Variants in CDK13 observed in about 807,000 individuals in gnomAD.
The protein encoded by CDK13 is cyclin-dependent kinase 13.
CDK13 carries 40 observed loss-of-function variants against 137.6 expected under a neutral mutation model. The ratio of observed to expected loss-of-function variants is 0.29; its 90% CI spans 0.23 to 0.38. The LOEUF is 0.38. Ranked by LOEUF, CDK13 falls within the 10% of genes least tolerant of loss-of-function variation. CDK13 has a pLI of 1.00. For missense variants in CDK13, 1,704 were observed against 1,951.8 expected (o/e 0.87, Z 2.39); for synonymous variants, 869 against 760.1 (o/e 1.14, Z -2.36).
chr7:40,047,012 C>CAAAAAA (rs398040131), intron 6 of CDK13, among the ~76,000 whole-genome samples: 857 of 65,522 alleles, frequency 0.013, 25 homozygotes, highest in Non-Finnish European at 0.02. Context: ...GACTCGGTCT[C>CAAAAAA]AAAAAAAAAA....
At chr7:40,008,798 T>C (rs1351719877) in intron 5 of CDK13, among the ~76,000 whole-genome samples, 1 of 152,240 alleles carries the variant, frequency 6.6e-6, no homozygotes, top group African/African-American at 2.4e-5. Flanking sequence ...AAGTCACTCA[T>C]AAGTTACTTT....
chr7:39,971,035 T>G (rs1353032948), intron 1 of CDK13, among the ~76,000 whole-genome samples: 1 of 152,152 alleles, frequency 6.6e-6, no homozygotes, highest in Non-Finnish European at 1.5e-5. Context: ...TAAACTGAAA[T>G]TTTTTCCTTA....
chr7:39,988,313 A>C (rs566165913), intron 2 of CDK13, 55 bp downstream of exon 2: 1 of 1,409,808 alleles, frequency 7.1e-7, no homozygotes, highest in Non-Finnish European at 9.7e-7. Context: ...GTAAGTCTGA[A>C]GTGAGAAATG....
intron 12 of CDK13, among the ~76,000 whole-genome samples, chr7:40,088,830 A>G (rs777601821): frequency 6.6e-6 from 1 of 152,168 alleles, no homozygotes. Context: ...CTGTAATCCT[A>G]GCACTTTGGG....
At chr7:40,023,459 C>CTTCTGG (rs2150498602) in intron 5 of CDK13, among the ~76,000 whole-genome samples, 1 of 150,904 alleles carries the variant, frequency 6.6e-6, no homozygotes, top group East Asian at 1.9e-4. Context: ...GATATTTTGT[C>CTTCTGG]TTCTGGTGTC....
At chr7:40,052,698 T>G (rs966496239) in intron 7 of CDK13, among the ~76,000 whole-genome samples, 17 of 152,172 alleles carry the variant, frequency 1.1e-4, no homozygotes, top group Admixed American at 3.3e-4. Flanking sequence ...AACATTGTTA[T>G]TGAAAGCAAA....
intron 5 of CDK13, among the ~76,000 whole-genome samples, chr7:40,014,243 A>T (rs753510699): frequency 6.6e-6 from 1 of 151,066 alleles, no homozygotes; most frequent in African/African-American, 2.4e-5. Context: ...TAATTTTTGT[A>T]TTTTTAATGG....
intron 1 of CDK13, among the ~76,000 whole-genome samples, chr7:39,975,883 A>G (rs1168474717): frequency 6.6e-6 from 1 of 152,236 alleles, no homozygotes; most frequent in African/African-American, 2.4e-5. Context: ...TTAAGCAAGG[A>G]CATGGCATAA....
chr7:40,078,820 G>A lies in CDK13; in HGVS notation c.2998G>A (p.Asp1000Asn). 1 of 1,488,430 alleles carries A rather than the reference G, an allele frequency of 6.7e-7. No individual in the cohort carries two copies. The highest frequency in any genetic ancestry group is 9.0e-7 in the Non-Finnish European group (1 of 1,111,262). 92.2% of individuals were successfully genotyped at this position (1,488,430 alleles called of 1,614,324 possible). Residue 1000 changes from aspartate to asparagine, a missense_variant, in exon 11 of 14, where the codon GAT (aspartate) becomes AAT (asparagine). By Grantham distance (23) the Asp-to-Asn change is conservative. Transcript: ENST00000181839. ...EQALQCEFLR[D>N]VEPSKMPPPD... ...GGCTCTTCAGTGCGAGTTCCTCCGAGATGTGGAACCCTCAAAAATGCCTCC... is the reference window on the plus strand; with the variant it reads ...GGCTCTTCAGTGCGAGTTCCTCCGAAATGTGGAACCCTCAAAAATGCCTCC...
rs751019219 is a variant in CDK13 at position 40,094,171 on chromosome 7, G to C, written c.3730G>C (p.Glu1244Gln). ...LIQHQDMRIL[E>Q]LTPEPDRPRI... ...CCAGCATCAAGATATGAGGATCTTG[G>C]AGCTAACGCCAGAACCAGACCGGCC... The change falls in exon 14 of 14, where the codon GAG becomes CAG. Residue 1244 changes from glutamate to glutamine, a missense_variant. This residue lies in a region of CDK13 where 475 missense variants were observed against 579.3 expected (regional missense o/e 0.82). Transcript: ENST00000181839. 1 of 1,613,820 alleles carries C rather than the reference G, an allele frequency of 6.2e-7. No homozygotes were observed. Among genetic ancestry groups the C allele is most frequent in the South Asian group, 1.1e-5 (1 of 91,058 alleles).
In CDK13 at chr7:40,094,978, T is replaced by C; in HGVS notation, c.4537T>C (p.Ter1513ArgextTer17). 7.3e-7 allele frequency: 1 copy of C among 1,376,476 alleles called. No homozygotes were observed. Among genetic ancestry groups the C allele is most frequent in the Non-Finnish European group, 9.4e-7 (1 of 1,060,466 alleles). The allele number at this position is 1,376,476 out of a possible 1,614,324, so 85.3% of individuals were successfully genotyped here. A position where few individuals can be genotyped will look rare whatever the true frequency, so the allele number is the denominator to read the frequency against. Residue 1513 changes from the stop codon to arginine, a stop_lost, in exon 14 of 14, where the codon TGA becomes CGA. Coordinates refer to ENST00000181839, the MANE Select transcript of CDK13 (RefSeq NM_003718.5). ...GRGRGRGLPY* is the reference protein window; with the variant it reads ...GRGRGRGLPYR Reference sequence around the variant, plus strand: ...AGGCAGAGGCAGAGGGTTACCATACTGAGTATCTGTTTTTCCTCAGGCACA... The same window carrying C: ...AGGCAGAGGCAGAGGGTTACCATACCGAGTATCTGTTTTTCCTCAGGCACA...
chr7:39,966,781 TG>T (rs1438855849), intron 1 of CDK13, among the ~76,000 whole-genome samples: 1 of 152,202 alleles, frequency 6.6e-6, no homozygotes, highest in South Asian at 2.1e-4. Flanking sequence ...GATGTACAGA[TG>T]GGGTTTTGGT....
At chr7:40,060,755 G>A (rs1786123874) in intron 7 of CDK13, 1 of 152,178 alleles carries the variant, frequency 6.6e-6, no homozygotes, top group African/African-American at 2.4e-5. Flanking sequence ...GAGAAAAATA[G>A]GGAAAGGATT....
intron 7 of CDK13, chr7:40,061,045 G>C (rs373259910): frequency 6.6e-6 from 1 of 151,834 alleles, no homozygotes; most frequent in African/African-American, 2.4e-5. Context: ...TCCAGCCTGG[G>C]CGACAAGAGT....
At chr7:40,012,556 C>T (rs1228250680) in intron 5 of CDK13, among the ~76,000 whole-genome samples, 1 of 151,984 alleles carries the variant, frequency 6.6e-6, no homozygotes, top group African/African-American at 2.4e-5. Flanking sequence ...GCTATGATCA[C>T]TCCATTGCAC....
At chr7:39,977,891 T>C (rs1200764924) in intron 1 of CDK13, among the ~76,000 whole-genome samples, 3 of 152,098 alleles carry the variant, frequency 2.0e-5, no homozygotes, top group Non-Finnish European at 4.4e-5. Context: ...TTGGTGGAGC[T>C]TGGAAACCAA....
chr7:39,959,028 T>C (rs1364594447), intron 1 of CDK13, among the ~76,000 whole-genome samples: 1 of 152,182 alleles, frequency 6.6e-6, no homozygotes, highest in African/African-American at 2.4e-5. Flanking sequence ...TGACCTCAAA[T>C]GATCTGCCCA....
At position 39,999,302 on chromosome 7, in the gene CDK13, TA is replaced by T. The variant is rs1360753501; in HGVS notation, c.2043-58del. The T allele has an allele frequency of 2.1e-6, 3 of 1,405,130 alleles. No individual in the cohort carries two copies. In the East Asian group the frequency reaches 7.1e-5, roughly 33 times the overall value. The allele number at this position is 1,405,130 out of a possible 1,614,324, so 87.0% of individuals were successfully genotyped here. A position where few individuals can be genotyped will look rare whatever the true frequency, so the allele number is the denominator to read the frequency against. Reference sequence around the variant, plus strand: ...GGGTGGCGAGTAGATATTGAGTTATTAGACAGTTTATTCAATTTGCTTGATT... The same window carrying T: ...GGGTGGCGAGTAGATATTGAGTTATTGACAGTTTATTCAATTTGCTTGATT... On this transcript the variant is annotated intron_variant, in intron 3 of 13. Coordinates refer to ENST00000181839, the MANE Select transcript of CDK13 (RefSeq NM_003718.5).
chr7:39,997,114 T>TA (rs1251674886), intron 2 of CDK13, among the ~76,000 whole-genome samples: 1 of 152,164 alleles, frequency 6.6e-6, no homozygotes, highest in East Asian at 1.9e-4. Context: ...ATAACAGTCT[T>TA]ACATTTATAG....
Sources: allele counts gnomAD v4.1 joint callset (sites outside exome capture counted in the v4.1 genomes callset), GRCh38; gene constraint gnomAD v4.1.1; regional missense constraint gnomAD v4.1.1; transcripts MANE v1.5; gene names NCBI Gene and HGNC (gene_info 2026-07-23, HGNC 2026-07-21).